LDHC: variants seen among roughly 807,000 people sequenced by gnomAD.
LDHC encodes lactate dehydrogenase C, also known as L-lactate dehydrogenase C chain.
A neutral mutation model predicts 30.2 loss-of-function variants in LDHC; 20 were observed. The observed-to-expected ratio is 0.66, with a 90% confidence interval of 0.47 to 0.96. The LOEUF (loss-of-function observed/expected upper bound fraction) is 0.96. Among genes scored for constraint, LDHC ranks in the 40% least tolerant of loss-of-function variants. The pLI, the probability that LDHC is intolerant of heterozygous loss-of-function variation, is 0.00. For missense variants in LDHC, 362 were observed against 394.9 expected, an observed-to-expected ratio of 0.92 and a Z score of 0.71; for synonymous variants, 139 against 132.7, an observed-to-expected ratio of 1.05 and a Z score of -0.32.
At chr11:18,438,787 T>C (rs1848404929) in intron 6 of LDHC, 142 bp downstream of exon 6, 3 of 478,276 alleles carry the variant, frequency 6.3e-6, no homozygotes, top group African/African-American at 3.9e-5. Flanking sequence ...TTCAGACTTA[T>C]ACATAGCTTT....
intron 7 of LDHC, among the ~76,000 whole-genome samples, chr11:18,448,048 C>CA (rs1218910663): frequency 0.017 from 1,266 of 75,998 alleles, 20 homozygotes; most frequent in Admixed American, 0.03. Context: ...GACTCTGTCT[C>CA]AAAAAAAAAA....
rs1831135242 is a variant in LDHC at position 18,440,506 on chromosome 11, GT to G, written c.710+1862del. On this transcript the variant is annotated intron_variant, in intron 6 of 7. Coordinates refer to ENST00000541669, the MANE Select transcript of LDHC (RefSeq NM_017448.5). ...AAAAGTAACATGGCAATGTGTATGA[GT>G]ACAGAGCTACAGTTTGGGAAGATGA... Among the ~76,000 whole-genome samples the G allele has an allele frequency of 3.3e-5, 5 of 152,212 alleles. No homozygotes were observed. In the South Asian group the frequency reaches 1.0e-3, roughly 32 times the overall value.
At chr11:18,417,021 C>G (rs1867034582) in intron 3 of LDHC, among the ~76,000 whole-genome samples, 1 of 152,120 alleles carries the variant, frequency 6.6e-6, no homozygotes, top group Non-Finnish European at 1.5e-5. Context: ...GTAGCTGGGA[C>G]TATAGGTGTG....
At chr11:18,424,425 A>G (rs190023055) in intron 3 of LDHC, among the ~76,000 whole-genome samples, 2 of 152,218 alleles carry the variant, frequency 1.3e-5, no homozygotes, top group East Asian at 1.9e-4. Context: ...TTACCTGGTG[A>G]AGTTGAACAT....
chr11:18,422,516 T>C (rs1241221986), intron 3 of LDHC, among the ~76,000 whole-genome samples: 3 of 149,812 alleles, frequency 2.0e-5, no homozygotes, highest in Non-Finnish European at 4.4e-5. Flanking sequence ...ATTGTGGCAG[T>C]GCACTCCAGC....
In LDHC at chr11:18,438,547, G is replaced by T; in HGVS notation, c.612G>T (p.Val204=). ...GDSSVPLWSG[V]NVAGVALKTL... ...TTTTAGTGCCCTTATGGAGTGGGGT[G>T]AATGTTGCTGGTGTTGCTCTGAAGA... Residue 204 remains valine (V), a synonymous_variant, in exon 6 of 8, where the codon GTG becomes GTT. Coordinates refer to ENST00000541669, the MANE Select transcript of LDHC (RefSeq NM_017448.5). 1 of 1,610,450 alleles carries T rather than the reference G, an allele frequency of 6.2e-7. No individual in the cohort carries two copies. The highest frequency in any genetic ancestry group is 8.5e-7 in the Non-Finnish European group (1 of 1,176,756).
chr11:18,449,259 A>C (rs1848607974), intron 7 of LDHC, among the ~76,000 whole-genome samples: 1 of 151,724 alleles, frequency 6.6e-6, no homozygotes, highest in African/African-American at 2.4e-5. Context: ...CAACATAACA[A>C]GACTCCATCT....
intron 2 of LDHC, among the ~76,000 whole-genome samples, chr11:18,413,372 C>T (rs1866936982): frequency 2.6e-5 from 4 of 152,034 alleles, no homozygotes; most frequent in Admixed American, 1.3e-4. Flanking sequence ...CATGAGCCAC[C>T]ACACCTGGCT....
chr11:18,414,179 G>A (rs1451970840), intron 2 of LDHC, among the ~76,000 whole-genome samples: 1 of 152,204 alleles, frequency 6.6e-6, no homozygotes, highest in African/African-American at 2.4e-5. Context: ...AAAGTGAGAT[G>A]TAATCTTCCG....
chr11:18,428,996 AG>A, intron 3 of LDHC, among the ~76,000 whole-genome samples: 1 of 152,168 alleles, frequency 6.6e-6, no homozygotes, highest in East Asian at 1.9e-4. Context: ...GGGTGGGTCA[AG>A]AACTTGTTTG....
intron 2 of LDHC, among the ~76,000 whole-genome samples, chr11:18,413,393 A>ATTGTT (rs1866937605): frequency 1.4e-5 from 2 of 141,834 alleles, no homozygotes; most frequent in Admixed American, 1.4e-4. Flanking sequence ...GCCAATAGGT[A>ATTGTT]TTGTTTTTAA....
rs763555299 is a variant in LDHC, at chr11:18,415,269, TC to T, written c.213del (p.Phe72LeufsTer20). 1 of 1,592,072 alleles carries T rather than the reference TC, an allele frequency of 6.3e-7. No individual in the cohort carries two copies. The highest frequency in any genetic ancestry group is 8.6e-7 in the Non-Finnish European group (1 of 1,160,976). ...ATGGATCTTCAGCATGGCAGTCTTTTCTTTAGTACTTCAAAGATTACTTCTG... is the reference window on the plus strand; with the variant it reads ...ATGGATCTTCAGCATGGCAGTCTTTTTTTAGTACTTCAAAGATTACTTCTG... ...EMMDLQHGSL[F>X]FSTSKITSGK... On this transcript the variant is annotated frameshift_variant, in exon 3 of 8. Transcript: ENST00000541669. LOFTEE classifies it high-confidence loss of function.
At chr11:18,436,063 G>A (rs181997946) in intron 5 of LDHC, among the ~76,000 whole-genome samples, 88 of 152,196 alleles carry the variant, frequency 5.8e-4, no homozygotes, top group African/African-American at 2.0e-3. Flanking sequence ...TATTTAGAGT[G>A]CCCTTTTCTT....
rs1469830675 is a variant in LDHC at position 18,429,921 on chromosome 11, T to C, written c.418+11T>C. On this transcript the variant is annotated intron_variant, in intron 4 of 7. Transcript: ENST00000541669. ...TTGTTTCAAATCCAGGTGAGTCTTC[T>C]CTCTTCCATTCTATTGCATAAGGAT... is the stretch of plus-strand genomic sequence containing the variant. 3 of 1,526,672 alleles carry C rather than the reference T, an allele frequency of 2.0e-6. No homozygotes were observed. In the East Asian group the frequency reaches 6.8e-5, roughly 35 times the overall value. 94.6% of individuals were successfully genotyped at this position (1,526,672 alleles called of 1,614,324 possible). A position where few individuals can be genotyped will look rare whatever the true frequency, so the allele number is the denominator to read the frequency against.
chr11:18,416,550 C>T lies in LDHC; in HGVS notation c.244+1249C>T, dbSNP rs111770741. Among the ~76,000 whole-genome samples, 1,076 of 152,314 alleles carry T rather than the reference C, an allele frequency of 7.1e-3. 3 individuals are homozygous for T. Among genetic ancestry groups the T allele is most frequent in the Non-Finnish European group, 0.012 (787 of 68,018 alleles). ...GCTTCTTAGAAAGAGCCATGATAAA[C>T]ATTTTATATCGACCTAAAACATACA... is the stretch of plus-strand genomic sequence containing the variant. On this transcript the variant is annotated intron_variant, in intron 3 of 7. Transcript: ENST00000541669.
At chr11:18,436,912 C>T (rs1590232033) in intron 5 of LDHC, among the ~76,000 whole-genome samples, 1 of 110,216 alleles carries the variant, frequency 9.1e-6, no homozygotes, top group Non-Finnish European at 1.9e-5. Context: ...GTTCTTATAT[C>T]CCCCAAACTA....
intron 3 of LDHC, among the ~76,000 whole-genome samples, chr11:18,422,502 C>T (rs1023305052): frequency 1.3e-5 from 2 of 149,336 alleles, no homozygotes; most frequent in Non-Finnish European, 3.0e-5. Context: ...TGCAGTGAGC[C>T]GAGATTGTGG....
intron 4 of LDHC, among the ~76,000 whole-genome samples, chr11:18,432,077 C>A (rs952903732): frequency 2.0e-5 from 3 of 152,172 alleles, no homozygotes; most frequent in African/African-American, 4.8e-5. Context: ...TGTGGTCTTT[C>A]AGACTTTTTG....
chr11:18,433,269 C>A (rs1215546560), intron 4 of LDHC, among the ~76,000 whole-genome samples: 2 of 151,958 alleles, frequency 1.3e-5, no homozygotes, highest in African/African-American at 4.8e-5. Context: ...ACCTGTAGTC[C>A]CAGCTACTCG....
Sources: allele counts gnomAD v4.1 joint callset (sites outside exome capture counted in the v4.1 genomes callset), GRCh38; gene constraint gnomAD v4.1.1; transcripts MANE v1.5; gene names NCBI Gene and HGNC (gene_info 2026-07-23, HGNC 2026-07-21).